The following EEA1 variants were observed in gnomAD, a reference collection of about 807,000 sequenced individuals.
The protein encoded by EEA1 is early endosome antigen 1, also known as early endosome antigen 1, 162kD.
A neutral mutation model predicts 209.2 loss-of-function variants in EEA1; 111 were observed. That is an observed-to-expected ratio of 0.53 (90% CI 0.45 to 0.62). The LOEUF is 0.62. EEA1 is among the 20% of genes least tolerant of loss of function. EEA1 has a pLI of 0.00. For missense variants in EEA1, 1,343 were observed against 1,530.8 expected, an observed-to-expected ratio of 0.88 and a Z score of 2.05; for synonymous variants, 536 against 540.6, an observed-to-expected ratio of 0.99 and a Z score of 0.12.
In EEA1 at chr12:92,811,192, T is replaced by C. The variant is rs1875478970; in HGVS notation, c.2199+87A>G. ...CACAACTTCACCTTTCTTTGTTAACTAAAAATCTTTGATTCCATGTAGGTC... is the reference window on the plus strand; with the variant it reads ...CACAACTTCACCTTTCTTTGTTAACCAAAAATCTTTGATTCCATGTAGGTC... On this transcript the variant is annotated intron_variant, in intron 17 of 28. Transcript: ENST00000322349. 4.1e-6 allele frequency: 4 copies of C among 964,650 alleles called. No individual in the cohort carries two copies. The East Asian group carries it at 1.2e-4, about 30-fold the overall frequency. The allele number at this position is 964,650 out of a possible 1,614,324, so 59.8% of individuals were successfully genotyped here. A position where few individuals can be genotyped will look rare whatever the true frequency, so the allele number is the denominator to read the frequency against.
chr12:92,894,684 A>C (rs1213897868), intron 1 of EEA1, among the ~76,000 whole-genome samples: 2 of 152,234 alleles, frequency 1.3e-5, no homozygotes. Context: ...GTTTGAAGGT[A>C]GCAGAGGTTG....
At chr12:92,794,869 TTAAA>T (rs1382294769) in intron 21 of EEA1, among the ~76,000 whole-genome samples, 3 of 150,832 alleles carry the variant, frequency 2.0e-5, no homozygotes, top group African/African-American at 7.4e-5. Flanking sequence ...AAACTAGAAC[TTAAA>T]TAAAAGAAAA....
chr12:92,829,432 T>C (rs1329231113), intron 11 of EEA1, among the ~76,000 whole-genome samples: 2 of 152,218 alleles, frequency 1.3e-5, no homozygotes, highest in East Asian at 3.9e-4. Context: ...CCTTCCACTA[T>C]GAATGCTTAT....
intron 14 of EEA1, among the ~76,000 whole-genome samples, chr12:92,818,815 A>G (rs1344609000): frequency 6.6e-6 from 1 of 152,164 alleles, no homozygotes; most frequent in Non-Finnish European, 1.5e-5. Context: ...TGGAACATTA[A>G]GGCAACTTAT....
Position 92,798,931 on chromosome 12 carries a change from T to C in EEA1, c.2928A>G (p.Glu976=), listed in dbSNP as rs769681433. 1 of 1,611,110 alleles carries C rather than the reference T, an allele frequency of 6.2e-7. No individual in the cohort carries two copies. The highest frequency in any genetic ancestry group is 8.5e-7 in the Non-Finnish European group (1 of 1,179,252). Residue 976 remains glutamate, a synonymous_variant, in exon 21 of 29, where the codon GAA becomes GAG. Transcript: ENST00000322349. ...CAATTTTAAGCTCTCCTTGGAGTGCTTCAATTTGTTTTTTCTTCTGTTCAC... is the reference window on the plus strand; with the variant it reads ...CAATTTTAAGCTCTCCTTGGAGTGCCTCAATTTGTTTTTTCTTCTGTTCAC... ...QSSEQKKKQI[E]ALQGELKIAV...
At chr12:92,794,224 G>A (rs1269835542) in intron 21 of EEA1, among the ~76,000 whole-genome samples, 1 of 152,144 alleles carries the variant, frequency 6.6e-6, no homozygotes, top group Admixed American at 6.5e-5. Context: ...AAAAAGTCAG[G>A]AAACAGCAGA....
intron 10 of EEA1, among the ~76,000 whole-genome samples, chr12:92,836,442 G>C (rs2136697046): frequency 6.6e-6 from 1 of 151,988 alleles, no homozygotes; most frequent in Non-Finnish European, 1.5e-5. Context: ...TTTGTTACTT[G>C]TTCAGATAAT....
At chr12:92,888,628 G>A (rs1879519357) in intron 2 of EEA1, among the ~76,000 whole-genome samples, 1 of 150,468 alleles carries the variant, frequency 6.6e-6, no homozygotes. Context: ...AATTGTAAGT[G>A]GAAGGCTGAA....
chr12:92,776,209 C>A lies in EEA1; in HGVS notation c.4114-76G>T. 3 of 1,383,218 alleles carry A rather than the reference C, an allele frequency of 2.2e-6. No individual in the cohort carries two copies. In the South Asian group the frequency reaches 4.4e-5, roughly 20 times the overall value. 85.7% of individuals were successfully genotyped at this position (1,383,218 alleles called of 1,614,324 possible). A position where few individuals can be genotyped will look rare whatever the true frequency, so the allele number is the denominator to read the frequency against. On this transcript the variant is annotated intron_variant, in intron 28 of 28. Coordinates refer to ENST00000322349, the MANE Select transcript of EEA1 (RefSeq NM_003566.4). The stretch of plus-strand genomic sequence containing the variant: ...GTATTATGAAACTACATGAATACCA[C>A]CAACTACATTATGAAGGTACATTAG...
At chr12:92,864,098 A>T (rs1050581244) in intron 3 of EEA1, among the ~76,000 whole-genome samples, 7 of 152,208 alleles carry the variant, frequency 4.6e-5, no homozygotes, top group African/African-American at 9.6e-5. Context: ...GTTTTCCCAC[A>T]TATTTTAATA....
intron 1 of EEA1, among the ~76,000 whole-genome samples, chr12:92,921,191 C>T (rs1880975734): frequency 2.0e-5 from 3 of 146,564 alleles, no homozygotes; most frequent in Middle Eastern, 3.6e-3. Context: ...GTCAGTGTGG[C>T]GATTCCTCAG....
At chr12:92,835,094 G>A (rs1342261019) in intron 10 of EEA1, among the ~76,000 whole-genome samples, 2 of 151,780 alleles carry the variant, frequency 1.3e-5, no homozygotes, top group Non-Finnish European at 2.9e-5. Context: ...TGTTAGCCAG[G>A]ATGGTCTCGA....
intron 21 of EEA1, among the ~76,000 whole-genome samples, chr12:92,794,752 G>A (rs944000144): frequency 7.9e-5 from 12 of 151,106 alleles, no homozygotes; most frequent in African/African-American, 2.9e-4. Flanking sequence ...GCTGGGGGAG[G>A]GATATCATTA....
At chr12:92,882,750 T>C (rs1054669312) in intron 2 of EEA1, among the ~76,000 whole-genome samples, 3 of 152,208 alleles carry the variant, frequency 2.0e-5, no homozygotes, top group African/African-American at 7.2e-5. Context: ...AGAATATGAT[T>C]TTGTTATTTT....
intron 12 of EEA1, among the ~76,000 whole-genome samples, chr12:92,826,695 A>T (rs903691081): frequency 4.7e-5 from 7 of 148,400 alleles, no homozygotes; most frequent in Admixed American, 2.0e-4. Flanking sequence ...AGCCTGGGTG[A>T]CAGAAAGAGA....
chr12:92,851,269 G>A lies in EEA1; in HGVS notation c.643-3C>T, dbSNP rs769964305. ...TCTTCTATACCAGGTCTCTGAAGCT[G>A]TGAAACAACACATTTTAATTAAAAA... On this transcript the variant is annotated splice_region_variant and splice_polypyrimidine_tract_variant and intron_variant, in intron 8 of 28. Coordinates refer to ENST00000322349, the MANE Select transcript of EEA1 (RefSeq NM_003566.4). 3.1e-6 allele frequency: 5 copies of A among 1,600,144 alleles called. No individual in the cohort carries two copies. Among genetic ancestry groups the A allele is most frequent in the Non-Finnish European group, 4.3e-6 (5 of 1,176,178 alleles).
rs557564053 is a variant in EEA1, at chr12:92,788,284, A to T, written c.2968-235T>A. Among the ~76,000 whole-genome samples the T allele has an allele frequency of 4.6e-3, 672 of 146,498 alleles. 23 individuals are homozygous for T. The South Asian group carries it at 0.095, about 21-fold the overall frequency. ...AAGTAATTAATTTTTTTTTTTTTTT[A>T]AAAAGGCATTTCACTGGGAAGTACT... On this transcript the variant is annotated intron_variant, in intron 21 of 28. Coordinates refer to ENST00000322349, the MANE Select transcript of EEA1 (RefSeq NM_003566.4).
chr12:92,779,058 A>C (rs1873783385), intron 25 of EEA1, 57 bp downstream of exon 25: 1 of 1,450,898 alleles, frequency 6.9e-7, no homozygotes, highest in African/African-American at 1.4e-5. Flanking sequence ...CAGTCCTCTC[A>C]CTGGATTGAT....
At chr12:92,811,503 G>T in intron 16 of EEA1, 69 bp from the exon 17 acceptor site, 1 of 1,058,882 alleles carries the variant, frequency 9.4e-7, no homozygotes. Context: ...AATGTTCAAC[G>T]TAAAATTGAA....
Sources: gnomAD v4.1 joint callset for allele counts (sites outside exome capture counted in the v4.1 genomes callset) on GRCh38, gnomAD v4.1.1 for gene constraint, MANE v1.5 for transcripts, NCBI Gene and HGNC (gene_info 2026-07-23, HGNC 2026-07-21) for gene names.